Variants in DIP2C observed in about 807,000 individuals in gnomAD.
DIP2C encodes DIP2 acetate--CoA ligase C (putative).
A neutral mutation model predicts 192.4 loss-of-function variants in DIP2C; 33 were observed. The observed-to-expected ratio is 0.17, with a 90% CI of 0.13 to 0.23. The LOEUF is 0.23. DIP2C is among the 10% of genes least tolerant of loss of function. The probability of loss-of-function intolerance (pLI) is 1.00; values close to 1 mark genes in which losing one functional copy is unlikely to be tolerated. For missense variants in DIP2C, 1,537 were observed against 2,110.1 expected, an observed-to-expected ratio of 0.73 and a Z score of 5.32; for synonymous variants, 979 against 864.1, an observed-to-expected ratio of 1.13 and a Z score of -2.33.
At chr10:507,102 G>A (rs561651984) in intron 1 of DIP2C, among the ~76,000 whole-genome samples, 1 of 149,088 alleles carries the variant, frequency 6.7e-6, no homozygotes, top group East Asian at 2.0e-4. Context: ...TGTGCACGAT[G>A]AGAGGTATGC....
At chr10:289,765 C>T (rs1191113799) in intron 32 of DIP2C, among the ~76,000 whole-genome samples, 1 of 152,176 alleles carries the variant, frequency 6.6e-6, no homozygotes, top group Non-Finnish European at 1.5e-5. Context: ...AGGGAGGCCA[C>T]GGAGGGTGCG....
At chr10:354,282 T>C (rs893789591) in intron 24 of DIP2C, among the ~76,000 whole-genome samples, 4 of 152,180 alleles carry the variant, frequency 2.6e-5, no homozygotes, top group Non-Finnish European at 5.9e-5. Context: ...AGAACCGGAA[T>C]CATTTCCGGG....
At chr10:562,730 A>G (rs1465034703) in intron 1 of DIP2C, among the ~76,000 whole-genome samples, 2 of 152,252 alleles carry the variant, frequency 1.3e-5, no homozygotes, top group Admixed American at 1.3e-4. Flanking sequence ...GTTCCCTCAG[A>G]GAGCTTTTCA....
At chr10:296,673 T>C (rs975083782) in intron 32 of DIP2C, among the ~76,000 whole-genome samples, 4 of 151,692 alleles carry the variant, frequency 2.6e-5, no homozygotes, top group Admixed American at 2.6e-4. Context: ...ATTAAGAAAA[T>C]GTGGCACATA....
rs140684901 is a variant in DIP2C at position 481,235 on chromosome 10, G to A, written c.157+5224C>T. Among the ~76,000 whole-genome samples, 71 of 152,352 alleles carry A rather than the reference G, an allele frequency of 4.7e-4. No individual in the cohort carries two copies. The East Asian group carries it at 0.013, about 27-fold the overall frequency. Reference sequence around the variant, plus strand: ...GAACAGGCCAGGGCCAGCCAGCCACGTCTTCTAAAGACGACAGAACAAAAT... The same window carrying A: ...GAACAGGCCAGGGCCAGCCAGCCACATCTTCTAAAGACGACAGAACAAAAT... On this transcript the variant is annotated intron_variant, in intron 2 of 36. Coordinates refer to ENST00000280886, the MANE Select transcript of DIP2C (RefSeq NM_014974.3).
At chr10:541,259 TCA>T (rs1847969202) in intron 1 of DIP2C, among the ~76,000 whole-genome samples, 1 of 152,094 alleles carries the variant, frequency 6.6e-6, no homozygotes, top group African/African-American at 2.4e-5. Context: ...GTGTCCTCTG[TCA>T]CAGACACACA....
In DIP2C at chr10:315,163, A is replaced by G. The variant is rs553595716; in HGVS notation, c.3925-5071T>C. ...TGCAGCAGTGCATTTCCGGGGCCCA[A>G]CTTCCTGTTGTCTCATCTGTTATTC... On this transcript the variant is annotated intron_variant, in intron 31 of 36. Transcript: ENST00000280886. 9.2e-5 allele frequency among the ~76,000 whole-genome samples: 14 copies of G among 152,314 alleles called. No individual in the cohort carries two copies. The South Asian group carries it at 2.9e-3, about 32-fold the overall frequency.
At chr10:650,882 G>A (rs1365252715) in intron 1 of DIP2C, 1 of 717,338 alleles carries the variant, frequency 1.4e-6, no homozygotes, top group Non-Finnish European at 2.6e-6. Flanking sequence ...ACTCCCCCTG[G>A]GATTCGTGGG....
intron 1 of DIP2C, among the ~76,000 whole-genome samples, chr10:583,949 G>A (rs984167868): frequency 1.2e-4 from 18 of 152,170 alleles, no homozygotes; most frequent in African/African-American, 4.1e-4. Context: ...GCTTTGAGCA[G>A]CCACAAATGT....
At chr10:294,600 GA>G (rs570204891) in intron 32 of DIP2C, among the ~76,000 whole-genome samples, 3,064 of 126,110 alleles carry the variant, frequency 0.024, 72 homozygotes, top group African/African-American at 0.076. Context: ...TCTAAAAAAA[GA>G]AAAAAAAAAA....
intron 1 of DIP2C, among the ~76,000 whole-genome samples, chr10:590,291 A>T (rs575227653): frequency 2.6e-5 from 4 of 152,254 alleles, no homozygotes; most frequent in African/African-American, 9.6e-5. Flanking sequence ...CTGAAATAGC[A>T]CAGCACCTTC....
intron 4 of DIP2C, among the ~76,000 whole-genome samples, chr10:426,025 T>C (rs1458778082): frequency 6.6e-6 from 1 of 152,154 alleles, no homozygotes; most frequent in Non-Finnish European, 1.5e-5. Flanking sequence ...TGAAATAAAT[T>C]AACAAATTTA....
chr10:349,254 G>A, intron 25 of DIP2C, 77 bp downstream of exon 25: 1 of 1,546,172 alleles, frequency 6.5e-7, no homozygotes. Context: ...TCAGGCACCA[G>A]CGGGTGTAAG....
Position 662,239 on chromosome 10 carries a change from T to A in DIP2C, c.85+27255A>T, listed in dbSNP as rs941512340. 6.1e-6 allele frequency: 4 copies of A among 651,034 alleles called. No homozygotes were observed. The African/African-American group carries it at 7.2e-5, about 12-fold the overall frequency. The allele number at this position is 651,034 out of a possible 1,614,324, so 40.3% of individuals were successfully genotyped here. A position where few individuals can be genotyped will look rare whatever the true frequency, so the allele number is the denominator to read the frequency against. On this transcript the variant is annotated intron_variant, in intron 1 of 36. Coordinates refer to ENST00000280886, the MANE Select transcript of DIP2C (RefSeq NM_014974.3). ...CTGCTCTCATTCCTGGGTTCCTAGC[T>A]CCTCCTGAAGGTACTGTATGAGGTA...
At chr10:528,307 C>T (rs1302154455) in intron 1 of DIP2C, among the ~76,000 whole-genome samples, 1 of 151,948 alleles carries the variant, frequency 6.6e-6, no homozygotes. Context: ...TGCTGCCCAC[C>T]CAGAATGCAG....
At chr10:567,438 C>T (rs984981214) in intron 1 of DIP2C, among the ~76,000 whole-genome samples, 1 of 152,150 alleles carries the variant, frequency 6.6e-6, no homozygotes, top group Non-Finnish European at 1.5e-5. Flanking sequence ...GATCCACCCA[C>T]CTCAGCCTCC....
Position 446,130 on chromosome 10 carries a change from G to A in DIP2C, c.269-5134C>T, listed in dbSNP as rs1213328074. Among the ~76,000 whole-genome samples, 4 of 151,290 alleles carry A rather than the reference G, an allele frequency of 2.6e-5. No homozygotes were observed. The Middle Eastern group carries it at 0.011, about 402-fold the overall frequency. On this transcript the variant is annotated intron_variant, in intron 3 of 36. Transcript: ENST00000280886. The stretch of plus-strand genomic sequence containing the variant: ...GTCCACTGGGCAACTGTATACATCT[G>A]TTGTGAAGAGTCTCACCGTTCACTA...
intron 1 of DIP2C, among the ~76,000 whole-genome samples, chr10:489,936 C>T (rs56381621): frequency 6.1e-5 from 1 of 16,368 alleles, no homozygotes; most frequent in African/African-American, 2.1e-4. Context: ...CATTTCACAC[C>T]AGGGACACGG....
chr10:688,936 C>G (rs1472020394), intron 1 of DIP2C, among the ~76,000 whole-genome samples: 2 of 152,142 alleles, frequency 1.3e-5, no homozygotes, highest in African/African-American at 2.4e-5. Context: ...ACGGCCTGAG[C>G]CACCAGAGAT....
Sources: gnomAD v4.1 joint callset for allele counts (sites outside exome capture counted in the v4.1 genomes callset) on GRCh38, gnomAD v4.1.1 for gene constraint, MANE v1.5 for transcripts, NCBI Gene and HGNC (gene_info 2026-07-23, HGNC 2026-07-21) for gene names.